The following GASK1B variants were observed in gnomAD, a reference collection of about 807,000 sequenced individuals.
The protein encoded by GASK1B is Golgi-associated kinase 1B.
Under a neutral mutation model 42.8 loss-of-function variants are expected in GASK1B, and 34 were observed. The ratio of observed to expected loss-of-function variants is 0.79; its 90% CI spans 0.60 to 1.06. The LOEUF (loss-of-function observed/expected upper bound fraction) is 1.06. Ranked by LOEUF, GASK1B falls within the 50% of genes least tolerant of loss-of-function variation. The pLI is 0.00. For missense variants in GASK1B, 686 were observed against 661.0 expected (o/e 1.04, Z -0.42); for synonymous variants, 262 against 259.1 (o/e 1.01, Z -0.11).
In GASK1B at chr4:158,143,256, T is replaced by C. The variant is rs528449046; in HGVS notation, c.1126-12244A>G. Among the ~76,000 whole-genome samples, 54 of 152,304 alleles carry C rather than the reference T, an allele frequency of 3.5e-4. 1 individual carries two copies. Among genetic ancestry groups the C allele is most frequent in the African/African-American group, 1.2e-3 (50 of 41,560 alleles). On this transcript the variant is annotated intron_variant, in intron 3 of 4. Coordinates refer to ENST00000585682, the MANE Select transcript of GASK1B (RefSeq NM_001128424.2). Reference sequence around the variant, plus strand: ...GATTATGAGCTGATAATTGTTGAAGTTGAGTGACAGGCACATAGGGGTTTA... The same window carrying C: ...GATTATGAGCTGATAATTGTTGAAGCTGAGTGACAGGCACATAGGGGTTTA...
intron 2 of GASK1B, chr4:158,168,866 G>C (rs926672680): frequency 6.6e-6 from 1 of 152,198 alleles, no homozygotes; most frequent in Non-Finnish European, 1.5e-5. Context: ...GGGGGATCCT[G>C]TGCTCTACTC....
chr4:158,159,830 T>C (rs1731903019), intron 2 of GASK1B: 1 of 168,982 alleles, frequency 5.9e-6, no homozygotes. Flanking sequence ...AAGATGAACA[T>C]GAAAATTCAC....
At chr4:158,145,252 C>T (rs1433963851) in intron 3 of GASK1B, among the ~76,000 whole-genome samples, 1 of 152,134 alleles carries the variant, frequency 6.6e-6, no homozygotes, top group Admixed American at 6.5e-5. Flanking sequence ...TAGGAGAAAG[C>T]AGGACAAAGA....
At chr4:158,163,288 T>C (rs974677211) in intron 2 of GASK1B, among the ~76,000 whole-genome samples, 1 of 152,152 alleles carries the variant, frequency 6.6e-6, no homozygotes, top group African/African-American at 2.4e-5. Flanking sequence ...TCAAGAGTGT[T>C]AGCTGGGCAC....
chr4:158,152,013 T>C (rs1305592631), intron 3 of GASK1B, among the ~76,000 whole-genome samples: 1 of 152,192 alleles, frequency 6.6e-6, no homozygotes, highest in African/African-American at 2.4e-5. Flanking sequence ...GGAGCTGACT[T>C]GCTGAATCTT....
Position 158,155,626 on chromosome 4 carries a change from A to C in GASK1B, c.1110T>G (p.Phe370Leu). Residue 370 changes from phenylalanine (F) to leucine (L), a missense_variant, in exon 3 of 5, where the codon TTT becomes TTG. Coordinates refer to ENST00000585682, the MANE Select transcript of GASK1B (RefSeq NM_001128424.2). ...HHHEWSKMAL[F>L]DFLLQIYNRL... ...ATAAACTTACCTGTAACAAAAAATCAAAGAGTGCCATCTTGGACCACTCAT... is the reference window on the plus strand; with the variant it reads ...ATAAACTTACCTGTAACAAAAAATCCAAGAGTGCCATCTTGGACCACTCAT... 6.2e-7 allele frequency: 1 copy of C among 1,613,516 alleles called. No homozygotes were observed. Among genetic ancestry groups the C allele is most frequent in the Non-Finnish European group, 8.5e-7 (1 of 1,179,592 alleles).
Position 158,170,966 on chromosome 4 carries a change from G to C in GASK1B, c.410C>G (p.Ser137Trp). The C allele has an allele frequency of 6.2e-7, 1 of 1,614,210 alleles. No individual in the cohort carries two copies. The highest frequency in any genetic ancestry group is 8.5e-7 in the Non-Finnish European group (1 of 1,180,046). The change falls in exon 2 of 5, where the codon TCG becomes TGG. Residue 137 changes from serine (S) to tryptophan (W), a missense_variant. Transcript: ENST00000585682. Reference protein sequence around the residue: ...PKRRKKHAVASAAPGQEALVG... With the variant: ...PKRRKKHAVAWAAPGQEALVG... ...CAAAGCCTCCTGCCCTGGGGCAGCC[G>C]ATGCCACTGCATGCTTTTTCCTGCG...
At chr4:158,154,568 A>G (rs1731686551) in intron 3 of GASK1B, among the ~76,000 whole-genome samples, 1 of 152,250 alleles carries the variant, frequency 6.6e-6, no homozygotes, top group South Asian at 2.1e-4. Flanking sequence ...ATGCATGTTT[A>G]TAGCAGCACA....
intron 2 of GASK1B, among the ~76,000 whole-genome samples, chr4:158,162,112 C>A (rs1022847153): frequency 1.3e-5 from 2 of 152,180 alleles, no homozygotes; most frequent in Non-Finnish European, 2.9e-5. Flanking sequence ...TCTCTCACAC[C>A]ACCCACAGTG....
Position 158,170,555 on chromosome 4 carries a change from A to G in GASK1B, c.821T>C (p.Met274Thr). ...TAGGTGGAAGGCAAACACCTCACTC[A>G]TGTCCAAGGGCTGCTTGAGAAGCCC... ...PCGLLKQPLD[M>T]SEVFAFHLDR... The change falls in exon 2 of 5, where the codon ATG becomes ACG. Residue 274 changes from methionine (M) to threonine (T), a missense_variant. Coordinates refer to ENST00000585682, the MANE Select transcript of GASK1B (RefSeq NM_001128424.2). The G allele has an allele frequency of 6.2e-7, 1 of 1,614,246 alleles. No homozygotes were observed. The highest frequency in any genetic ancestry group is 8.5e-7 in the Non-Finnish European group (1 of 1,180,046).
Position 158,170,660 on chromosome 4 carries a change from G to GAC in GASK1B, c.714_715dup (p.Ser239CysfsTer37). The GAC allele has an allele frequency of 6.2e-7, 1 of 1,614,044 alleles. No homozygotes were observed. ...CAGCAAACGGGCTCCGCTCCTAGAG[G>GAC]ACACAGGCCGGAGCCCTGCCACTGC... is the stretch of plus-strand genomic sequence containing the variant. On this transcript the variant is annotated frameshift_variant, in exon 2 of 5. Transcript: ENST00000585682. LOFTEE classifies it high-confidence loss of function.
At chr4:158,132,649 G>A (rs1579008294) in intron 3 of GASK1B, among the ~76,000 whole-genome samples, 2 of 152,322 alleles carry the variant, frequency 1.3e-5, no homozygotes, top group East Asian at 1.9e-4. Flanking sequence ...AGGATTGTAA[G>A]AGAAGTTAGC....
chr4:158,128,693 C>T (rs548560858), intron 4 of GASK1B, among the ~76,000 whole-genome samples: 11 of 152,122 alleles, frequency 7.2e-5, no homozygotes, highest in African/African-American at 2.4e-4. Flanking sequence ...AGAGGGTGCC[C>T]GAAAGCCAAG....
chr4:158,158,556 TTTTG>T (rs1169565340), intron 2 of GASK1B, among the ~76,000 whole-genome samples: 21 of 152,228 alleles, frequency 1.4e-4, no homozygotes, highest in African/African-American at 4.8e-4. Context: ...ACTATAAATA[TTTTG>T]TTTAATTATT....
intron 3 of GASK1B, among the ~76,000 whole-genome samples, chr4:158,152,125 C>A (rs1242001021): frequency 1.3e-5 from 2 of 152,134 alleles, no homozygotes; most frequent in Non-Finnish European, 2.9e-5. Flanking sequence ...AGTGGTTTGC[C>A]AGGGTCTCTC....
At chr4:158,149,923 C>CATTTTTTTTTT (rs1731483269) in intron 3 of GASK1B, among the ~76,000 whole-genome samples, 1 of 67,178 alleles carries the variant, frequency 1.5e-5, no homozygotes, top group Non-Finnish European at 2.5e-5. Flanking sequence ...CTGCATGCTG[C>CATTTTTTTTTT]TTTTTTTTTT....
chr4:158,151,588 C>T (rs938380975), intron 3 of GASK1B, among the ~76,000 whole-genome samples: 2 of 152,174 alleles, frequency 1.3e-5, no homozygotes, highest in Non-Finnish European at 2.9e-5. Context: ...CCCCAACCAA[C>T]TGAATTGACC....
chr4:158,169,321 T>G (rs1732359118), intron 2 of GASK1B: 2 of 152,226 alleles, frequency 1.3e-5, no homozygotes, highest in African/African-American at 4.8e-5. Context: ...AAAGCATACC[T>G]GTGAATCTGG....
intron 3 of GASK1B, among the ~76,000 whole-genome samples, chr4:158,150,847 C>T (rs926409788): frequency 3.3e-5 from 5 of 152,188 alleles, no homozygotes; most frequent in African/African-American, 1.2e-4. Flanking sequence ...ATGTCTTACT[C>T]CCCAGTTCAG....
Sources: allele counts gnomAD v4.1 joint callset (sites outside exome capture counted in the v4.1 genomes callset), GRCh38; gene constraint gnomAD v4.1.1; transcripts MANE v1.5; gene names NCBI Gene and HGNC (gene_info 2026-07-23, HGNC 2026-07-21).